Variants in PARP8 observed in about 807,000 individuals in gnomAD.
The protein encoded by PARP8 is protein mono-ADP-ribosyltransferase PARP8.
A neutral mutation model predicts 124.1 loss-of-function variants in PARP8; 51 were observed. That is an observed-to-expected ratio of 0.41 (90% CI 0.33 to 0.52). The LOEUF is 0.52. Among genes scored for constraint, PARP8 ranks in the 20% least tolerant of loss-of-function variants. PARP8 has a pLI of 0.21. For missense variants in PARP8, 860 were observed against 1,018.9 expected (o/e 0.84, Z 2.12); for synonymous variants, 391 against 361.5 (o/e 1.08, Z -0.93).
intron 2 of PARP8, among the ~76,000 whole-genome samples, chr5:50,749,436 C>G (rs1758979499): frequency 6.6e-6 from 1 of 151,304 alleles, no homozygotes; most frequent in South Asian, 2.1e-4. Flanking sequence ...GGCTTGCTAT[C>G]TAGTTGACAG....
At chr5:50,694,644 T>C (rs1350863944) in intron 2 of PARP8, among the ~76,000 whole-genome samples, 2 of 152,176 alleles carry the variant, frequency 1.3e-5, no homozygotes, top group Non-Finnish European at 2.9e-5. Flanking sequence ...TGTACCTGGC[T>C]GTATTAGTCT....
rs578159346 is a variant in PARP8 at position 50,765,329 on chromosome 5, G to C, written c.518+2087G>C. Among the ~76,000 whole-genome samples the C allele has an allele frequency of 6.6e-5, 10 of 151,980 alleles. No homozygotes were observed. In the East Asian group the frequency reaches 1.9e-3, roughly 29 times the overall value. On this transcript the variant is annotated intron_variant, in intron 7 of 25. Transcript: ENST00000281631. ...TTAGCACATGTTTATTTCTTTTATAGTTAAATATTTTTCTAAAACATCTTT... is the reference window on the plus strand; with the variant it reads ...TTAGCACATGTTTATTTCTTTTATACTTAAATATTTTTCTAAAACATCTTT...
chr5:50,829,888 T>G lies in PARP8; in HGVS notation c.2164-4T>G. The stretch of plus-strand genomic sequence containing the variant: ...CTCTCTCTCTCCCACTCTTCCCATC[T>G]TAGCTCCATGGTGCAATGTATGGAA... On this transcript the variant is annotated splice_region_variant and splice_polypyrimidine_tract_variant and intron_variant, in intron 21 of 25. Coordinates refer to ENST00000281631, the MANE Select transcript of PARP8 (RefSeq NM_024615.4). 6.2e-7 allele frequency: 1 copy of G among 1,603,570 alleles called. No individual in the cohort carries two copies. The highest frequency in any genetic ancestry group is 1.7e-4 in the Middle Eastern group (1 of 6,026).
chr5:50,818,905 AC>A (rs1247656056), intron 15 of PARP8, among the ~76,000 whole-genome samples: 1 of 152,154 alleles, frequency 6.6e-6, no homozygotes, highest in East Asian at 1.9e-4. Flanking sequence ...CTGTGTGGTG[AC>A]CGGGGGGACT....
At chr5:50,808,315 T>G (rs1216986528) in intron 14 of PARP8, among the ~76,000 whole-genome samples, 2 of 151,920 alleles carry the variant, frequency 1.3e-5, no homozygotes, top group Non-Finnish European at 2.9e-5. Flanking sequence ...TACATTCTTA[T>G]GAGGTTCTGA....
chr5:50,750,101 T>C, intron 2 of PARP8, 50 bp from the exon 3 acceptor site: 1 of 1,392,714 alleles, frequency 7.2e-7, no homozygotes, highest in Non-Finnish European at 1.0e-6. Flanking sequence ...TATAAAAGCC[T>C]GTCTACCTTA....
chr5:50,666,903 C>CCTT lies in PARP8; in HGVS notation c.-192_-191insTTC. The CCTT allele has an allele frequency of 9.3e-7, 1 of 1,073,222 alleles. No individual in the cohort carries two copies. 66.5% of individuals were successfully genotyped at this position (1,073,222 alleles called of 1,614,324 possible). On this transcript the variant is annotated 5_prime_UTR_variant, in exon 1 of 26. Transcript: ENST00000281631. ...ATCTGGGAATGCAAAGCCGACCTCC[C>CCTT]CCTCCTCCTCCTCCTCCCCCTCCTC...
At chr5:50,768,949 A>G (rs914583805) in intron 7 of PARP8, among the ~76,000 whole-genome samples, 2 of 132,062 alleles carry the variant, frequency 1.5e-5, no homozygotes, top group African/African-American at 5.7e-5. Flanking sequence ...AAAAAGTATA[A>G]CTATTTATAG....
chr5:50,843,436 C>T lies in PARP8; in HGVS notation c.*1368C>T, dbSNP rs1171923332. The T allele has an allele frequency of 6.6e-6, 1 of 151,622 alleles. No individual in the cohort carries two copies. The highest frequency in any genetic ancestry group is 2.1e-4 in the South Asian group (1 of 4,816). 9.4% of individuals were successfully genotyped at this position (151,622 alleles called of 1,614,324 possible). On this transcript the variant is annotated 3_prime_UTR_variant, in exon 26 of 26. Coordinates refer to ENST00000281631, the MANE Select transcript of PARP8 (RefSeq NM_024615.4). The stretch of plus-strand genomic sequence containing the variant: ...ATGTGATAACTGCTGTGTTTATTTC[C>T]TTTGTCTGGCATAAAAGGTGAGAAA...
At chr5:50,782,429 T>G (rs937370741) in intron 9 of PARP8, among the ~76,000 whole-genome samples, 1 of 152,206 alleles carries the variant, frequency 6.6e-6, no homozygotes, top group Non-Finnish European at 1.5e-5. Flanking sequence ...GAGGAAAATA[T>G]GATTGAAAAT....
At chr5:50,778,822 T>C (rs1359984905) in intron 9 of PARP8, among the ~76,000 whole-genome samples, 172 bp downstream of exon 9, 2 of 152,156 alleles carry the variant, frequency 1.3e-5, no homozygotes, top group Non-Finnish European at 2.9e-5. Flanking sequence ...ATATAACTTA[T>C]GGAAACAGAA....
intron 2 of PARP8, chr5:50,739,128 C>G (rs774502641): frequency 4.4e-5 from 31 of 698,452 alleles, no homozygotes; most frequent in Non-Finnish European, 7.9e-5. Flanking sequence ...AATGGAGCAC[C>G]CTGAACCAAC....
rs191362370 is a variant in PARP8 at position 50,798,730 on chromosome 5, C to T, written c.1575+1497C>T. On this transcript the variant is annotated intron_variant, in intron 14 of 25. Transcript: ENST00000281631. ...AACCACCGCGCCTGGCCTGAGCCAC[C>T]GCACCCGGCCGAAGCAGTTTCTTAT... Among the ~76,000 whole-genome samples, 6 of 152,112 alleles carry T rather than the reference C, an allele frequency of 3.9e-5. No individual in the cohort carries two copies. In the East Asian group the frequency reaches 7.7e-4, roughly 20 times the overall value.
At position 50,796,895 on chromosome 5, in the gene PARP8, T is replaced by A. The variant is rs1342946387; in HGVS notation, c.1429-87T>A. ...CATGTGATCTTAAATCACTTTCGTA[T>A]TCACTATTGCAAAGAGTAAAAGCCT... is the stretch of plus-strand genomic sequence containing the variant. On this transcript the variant is annotated intron_variant, in intron 12 of 25. Coordinates refer to ENST00000281631, the MANE Select transcript of PARP8 (RefSeq NM_024615.4). 21 of 1,122,544 alleles carry A rather than the reference T, an allele frequency of 1.9e-5. 1 individual carries two copies. In the East Asian group the frequency reaches 5.2e-4, roughly 28 times the overall value. 69.5% of individuals were successfully genotyped at this position (1,122,544 alleles called of 1,614,324 possible). A position where few individuals can be genotyped will look rare whatever the true frequency, so the allele number is the denominator to read the frequency against.
rs191909206 is a variant in PARP8 at position 50,846,375 on chromosome 5, G to A, written c.*4307G>A. On this transcript the variant is annotated 3_prime_UTR_variant, in exon 26 of 26. Coordinates refer to ENST00000281631, the MANE Select transcript of PARP8 (RefSeq NM_024615.4). ...TAATGTAAATACTGCCAAGAGATCA[G>A]TAAGGCCAAATATTTTCTCTATTCA... The A allele has an allele frequency of 1.3e-5, 2 of 151,860 alleles. No individual in the cohort carries two copies. Among genetic ancestry groups the A allele is most frequent in the Admixed American group, 1.3e-4 (2 of 15,210 alleles). The allele number at this position is 151,860 out of a possible 1,614,324, so 9.4% of individuals were successfully genotyped here.
intron 2 of PARP8, among the ~76,000 whole-genome samples, chr5:50,697,241 C>T (rs938457992): frequency 4.6e-5 from 7 of 152,008 alleles, no homozygotes; most frequent in Middle Eastern, 3.2e-3. Flanking sequence ...GGCGACAGAG[C>T]GAGACTCCGT....
At chr5:50,709,951 T>TAC (rs1359692149) in intron 2 of PARP8, among the ~76,000 whole-genome samples, 2,305 of 99,310 alleles carry the variant, frequency 0.023, 42 homozygotes, top group Middle Eastern at 0.097. Context: ...TATATATATA[T>TAC]ATATACACAT....
rs1742383181 is a variant in PARP8 at position 50,795,096 on chromosome 5, A to C, written c.1107A>C (p.Ala369=). The change falls in exon 12 of 26, where the codon GCA becomes GCC. Residue 369 remains alanine, a synonymous_variant. Transcript: ENST00000281631. ...AACTTTTGAACCGTCCTTGCCCTGC[A>C]GCTGTTAAGTCAGAGGAATGCCTAA... ...SHKLLNRPCP[A]AVKSEECLTL... The C allele has an allele frequency of 6.2e-7, 1 of 1,614,208 alleles. No homozygotes were observed. The highest frequency in any genetic ancestry group is 8.5e-7 in the Non-Finnish European group (1 of 1,180,028).
intron 2 of PARP8, among the ~76,000 whole-genome samples, chr5:50,721,586 C>T (rs1337492180): frequency 1.3e-5 from 2 of 151,912 alleles, no homozygotes; most frequent in African/African-American, 2.4e-5. Flanking sequence ...TGTTCTGTGC[C>T]TTTCATTTCT....
Sources: gnomAD v4.1 joint callset for allele counts (sites outside exome capture counted in the v4.1 genomes callset) on GRCh38, gnomAD v4.1.1 for gene constraint, MANE v1.5 for transcripts, NCBI Gene and HGNC (gene_info 2026-07-23, HGNC 2026-07-21) for gene names.